ARHGAP39: variants seen among roughly 807,000 people sequenced by gnomAD.
The protein encoded by ARHGAP39 is rho GTPase-activating protein 39.
A neutral mutation model predicts 106.9 loss-of-function variants in ARHGAP39; 44 were observed. The observed-to-expected ratio is 0.41, with a 90% CI of 0.32 to 0.53. The LOEUF is 0.53. ARHGAP39 is among the 20% of genes least tolerant of loss of function. The pLI is 0.21. For synonymous variants in ARHGAP39, 768 were observed against 693.2 expected (o/e 1.11, Z -1.69); for missense variants, 1,496 against 1,577.3 (o/e 0.95, Z 0.87).
At position 144,530,864 on chromosome 8, in the gene ARHGAP39, C is replaced by CAGGGACGCTGGGGACACAGCA. The variant is rs746019349; in HGVS notation, c.2981-14_2987dup (p.Leu996_Leu997insAlaValSerProAlaSerLeu). On this transcript the variant is annotated inframe_insertion, in exon 11 of 12. Coordinates refer to ENST00000377307, the MANE Select transcript of ARHGAP39 (RefSeq NM_025251.3). ...CCAGCTCCCGGTACCACAGCTTCAG[C>CAGGGACGCTGGGGACACAGCA]AGGGACGCTGGGGACACAGCACGGG... The CAGGGACGCTGGGGACACAGCA allele has an allele frequency of 5.6e-6, 9 of 1,608,790 alleles. No homozygotes were observed. The African/African-American group carries it at 9.3e-5, about 17-fold the overall frequency.
At chr8:144,628,544 C>A (rs1373372409) in intron 1 of ARHGAP39, among the ~76,000 whole-genome samples, 2 of 152,198 alleles carry the variant, frequency 1.3e-5, no homozygotes, top group Non-Finnish European at 2.9e-5. Flanking sequence ...GAAAAACAGA[C>A]AAACCCACAA....
intron 2 of ARHGAP39, among the ~76,000 whole-genome samples, chr8:144,600,135 G>A (rs1220981159): frequency 1.3e-5 from 2 of 152,094 alleles, no homozygotes; most frequent in African/African-American, 2.4e-5. Flanking sequence ...ACGAGTGTGC[G>A]AGCTCATGTA....
At chr8:144,626,825 T>A (rs1820930128) in intron 1 of ARHGAP39, among the ~76,000 whole-genome samples, 2 of 152,084 alleles carry the variant, frequency 1.3e-5, no homozygotes, top group Admixed American at 6.6e-5. Context: ...TCTCTGCAGT[T>A]CCCCCTCCTG....
chr8:144,607,203 T>C (rs1417065755), intron 1 of ARHGAP39, among the ~76,000 whole-genome samples: 1 of 123,594 alleles, frequency 8.1e-6, no homozygotes, highest in African/African-American at 3.3e-5. Context: ...GCCACTGCGC[T>C]CCAGCCTGGG....
chr8:144,543,097 G>A (rs1334906426), intron 6 of ARHGAP39, among the ~76,000 whole-genome samples: 4 of 151,972 alleles, frequency 2.6e-5, no homozygotes, highest in East Asian at 2.0e-4. Flanking sequence ...AGCCTCCCAA[G>A]TAGTTGGGAC....
In ARHGAP39 at chr8:144,604,973, A is replaced by G. The variant is rs1054679497; in HGVS notation, c.80+562T>C. Among the ~76,000 whole-genome samples the G allele has an allele frequency of 3.9e-5, 6 of 152,266 alleles. No individual in the cohort carries two copies. Among genetic ancestry groups the G allele is most frequent in the African/African-American group, 2.4e-5 (1 of 41,482 alleles). ...TGAAATTATTTCCAAATAAAAGCCT[A>G]GAAATCAGGGCAGAGCAGTGGCTCA... On this transcript the variant is annotated intron_variant, in intron 2 of 11. Coordinates refer to ENST00000377307, the MANE Select transcript of ARHGAP39 (RefSeq NM_025251.3). The surrounding 1 kb of genome is among the most constrained non-coding windows in gnomAD (Gnocchi z 4.1).
At chr8:144,544,328 T>C (rs1172635759) in intron 6 of ARHGAP39, among the ~76,000 whole-genome samples, 1 of 152,112 alleles carries the variant, frequency 6.6e-6, no homozygotes, top group Non-Finnish European at 1.5e-5. Context: ...AGCCACCTCC[T>C]CCACACCTGG....
chr8:144,614,601 C>T (rs983526739), intron 1 of ARHGAP39, among the ~76,000 whole-genome samples: 10 of 152,334 alleles, frequency 6.6e-5, no homozygotes, highest in Admixed American at 3.9e-4. Flanking sequence ...GATCCGCCCA[C>T]CTTGGCCTCC....
intron 3 of ARHGAP39, among the ~76,000 whole-genome samples, chr8:144,574,244 A>G (rs570047679): frequency 6.6e-6 from 1 of 152,130 alleles, no homozygotes; most frequent in Non-Finnish European, 1.5e-5. Context: ...AATATTTAAA[A>G]GTGGGCTGGG....
chr8:144,654,180 A>G (rs556081164), intron 1 of ARHGAP39, among the ~76,000 whole-genome samples: 41 of 152,294 alleles, frequency 2.7e-4, no homozygotes, highest in African/African-American at 9.4e-4. Context: ...GAAGACAGTA[A>G]AAGTAGTTGA....
rs1196588866 is a variant in ARHGAP39 at position 144,591,644 on chromosome 8, G to A, written c.81-10367C>T. 6.6e-6 allele frequency among the ~76,000 whole-genome samples: 1 copy of A among 152,202 alleles called. No homozygotes were observed. The highest frequency in any genetic ancestry group is 1.5e-5 in the Non-Finnish European group (1 of 68,028). The stretch of plus-strand genomic sequence containing the variant: ...GCCAGAAGAGAGGCGAGGGGTGGGG[G>A]AGCAGAGGCGAGGAAGGGCAAGGTT... On this transcript the variant is annotated intron_variant, in intron 2 of 11. Transcript: ENST00000377307. The surrounding 1 kb of genome is among the most constrained non-coding windows in gnomAD (Gnocchi z 5.3).
chr8:144,534,219 C>T lies in ARHGAP39; in HGVS notation c.2615-17G>A, dbSNP rs1215260236. On this transcript the variant is annotated splice_polypyrimidine_tract_variant and intron_variant, in intron 7 of 11. Transcript: ENST00000377307. The stretch of plus-strand genomic sequence containing the variant: ...TCGCCACCCCTGGAAAGGAAAGGGG[C>T]CTGATCAGCCTGATGTGGGTGTGTG... The T allele has an allele frequency of 1.9e-6, 3 of 1,613,012 alleles. No individual in the cohort carries two copies. Among genetic ancestry groups the T allele is most frequent in the East Asian group, 2.2e-5 (1 of 44,880 alleles).
chr8:144,588,841 G>A (rs1819281352), intron 2 of ARHGAP39, among the ~76,000 whole-genome samples: 1 of 152,270 alleles, frequency 6.6e-6, no homozygotes. Context: ...CCGCCTCTGT[G>A]GTCCTCCTCC....
chr8:144,533,902 TGCTCCTGAGCTGGGGGTCCGG>T (rs1169596953), intron 8 of ARHGAP39, among the ~76,000 whole-genome samples: 2 of 152,030 alleles, frequency 1.3e-5, no homozygotes, highest in Non-Finnish European at 2.9e-5. Flanking sequence ...TTGCCTGCCT[TGCTCCTGAGCTGGGGGTCCGG>T]GCCCAGGAAG....
At chr8:144,624,190 C>T (rs546355916) in intron 1 of ARHGAP39, among the ~76,000 whole-genome samples, 2 of 152,342 alleles carry the variant, frequency 1.3e-5, no homozygotes, top group East Asian at 3.9e-4. Flanking sequence ...GCACCTGTGC[C>T]TGCCATGTTA....
At chr8:144,598,064 A>G (rs1819689962) in intron 2 of ARHGAP39, among the ~76,000 whole-genome samples, 1 of 152,230 alleles carries the variant, frequency 6.6e-6, no homozygotes, top group Non-Finnish European at 1.5e-5. Flanking sequence ...AGGGAAGGAG[A>G]GTCCGGCCAG....
chr8:144,537,462 C>T (rs1401217882), intron 7 of ARHGAP39, among the ~76,000 whole-genome samples: 1 of 152,138 alleles, frequency 6.6e-6, no homozygotes, highest in Non-Finnish European at 1.5e-5. Flanking sequence ...GTTATCATGC[C>T]CCCACCCCAT....
At chr8:144,565,625 G>A (rs2130876071) in intron 3 of ARHGAP39, among the ~76,000 whole-genome samples, 1 of 151,278 alleles carries the variant, frequency 6.6e-6, no homozygotes, top group South Asian at 2.1e-4. Flanking sequence ...GGAGGTAGAG[G>A]TGCAGTGAGC....
At chr8:144,683,781 G>C (rs1328379950) in intron 1 of ARHGAP39, among the ~76,000 whole-genome samples, 1 of 151,468 alleles carries the variant, frequency 6.6e-6, no homozygotes, top group Non-Finnish European at 1.5e-5. Flanking sequence ...AGAAACCAGC[G>C]CCACAGACTT....
Sources: allele counts gnomAD v4.1 joint callset (sites outside exome capture counted in the v4.1 genomes callset), GRCh38; gene constraint gnomAD v4.1.1; non-coding constraint Gnocchi (gnomAD v3.1); transcripts MANE v1.5; gene names NCBI Gene and HGNC (gene_info 2026-07-23, HGNC 2026-07-21).